The following VWF variants were observed in gnomAD, a reference collection of about 807,000 sequenced individuals.
The protein encoded by VWF is Factor VIII related antigen.
VWF carries 176 observed loss-of-function variants against 308.6 expected under a neutral mutation model. That is an observed-to-expected ratio of 0.57 (90% CI 0.50 to 0.65). VWF has a LOEUF of 0.65. Among genes scored for constraint, VWF ranks in the 30% least tolerant of loss-of-function variants. The probability of loss-of-function intolerance (pLI) is 0.00; values close to 1 mark genes in which losing one functional copy is unlikely to be tolerated. For missense variants in VWF, 3,146 were observed against 3,648.2 expected, an observed-to-expected ratio of 0.86 and a Z score of 3.55; for synonymous variants, 1,385 against 1,443.4, an observed-to-expected ratio of 0.96 and a Z score of 0.92.
At chr12:6,110,835 G>T in intron 4 of VWF, 31 bp downstream of exon 4, 1 of 1,602,106 alleles carries the variant, frequency 6.2e-7, no homozygotes, top group Non-Finnish European at 8.6e-7. Context: ...GATCCCTAGG[G>T]TCCTTTCTAA....
At chr12:5,982,095 G>A in intron 41 of VWF, 104 bp from the exon 42 acceptor site, 1 of 1,109,874 alleles carries the variant, frequency 9.0e-7, no homozygotes, top group Non-Finnish European at 1.3e-6. Context: ...AGAAGATTAA[G>A]TCAGAAATGT....
chr12:6,034,017 C>G (rs185180499), intron 20 of VWF, among the ~76,000 whole-genome samples: 3 of 152,230 alleles, frequency 2.0e-5, no homozygotes, highest in Admixed American at 6.5e-5. Flanking sequence ...CAAGAATCCA[C>G]GCAGTGGGGA....
At chr12:6,088,392 T>A (rs1033235315) in intron 6 of VWF, among the ~76,000 whole-genome samples, 1 of 149,804 alleles carries the variant, frequency 6.7e-6, no homozygotes, top group African/African-American at 2.5e-5. Context: ...GGCGGGAGAA[T>A]GGCGTGAACC....
chr12:5,964,300 A>ATACATGCAT (rs1267334614), intron 47 of VWF, among the ~76,000 whole-genome samples: 1 of 151,986 alleles, frequency 6.6e-6, no homozygotes, highest in African/African-American at 2.4e-5. Context: ...ACATACATAC[A>ATACATGCAT]AAAAGCTACC....
chr12:6,110,578 A>C lies in VWF; in HGVS notation c.328T>G (p.Ser110Ala), dbSNP rs1591924432. Residue 110 changes from serine to alanine, a missense_variant, in exon 5 of 52, where the codon TCC (serine) becomes GCC (alanine). By Grantham distance (99) the Ser-to-Ala change is moderately conservative. Transcript: ENST00000261405. ...AGCCCTTTGGAGGCATAGGGCATGG[A>C]GACTCTGGAGGGCAAAGGCTAAGTT... Reference protein sequence around the residue: ...GTVTQGDQRVSMPYASKGLYL... With the variant: ...GTVTQGDQRVAMPYASKGLYL... 2 of 1,614,124 alleles carry C rather than the reference A, an allele frequency of 1.2e-6. No homozygotes were observed. The highest frequency in any genetic ancestry group is 2.2e-5 in the East Asian group (1 of 44,878).
intron 34 of VWF, among the ~76,000 whole-genome samples, chr12:6,003,757 G>T (rs1202593553): frequency 6.6e-6 from 1 of 151,090 alleles, no homozygotes; most frequent in African/African-American, 2.4e-5. Context: ...GATGAAAGAA[G>T]TTCTGGCAAT....
intron 6 of VWF, among the ~76,000 whole-genome samples, chr12:6,087,855 G>A (rs561261198): frequency 1.6e-4 from 24 of 152,234 alleles, no homozygotes; most frequent in Admixed American, 1.4e-3. Context: ...ACAGCTGTCG[G>A]AGGTTGCTGC....
rs1192582321 is a variant in VWF, at chr12:6,077,385, T to C, written c.658-1834A>G. Among the ~76,000 whole-genome samples, 6 of 152,174 alleles carry C rather than the reference T, an allele frequency of 3.9e-5. 1 individual carries two copies. Among genetic ancestry groups the C allele is most frequent in the Non-Finnish European group, 8.8e-5 (6 of 68,034 alleles). ...GGCATGGGCTGCTCAACTGCAGAAG[T>C]GCAGCAGGTAGGCTCATGGGGACAG... is the stretch of plus-strand genomic sequence containing the variant. On this transcript the variant is annotated intron_variant, in intron 6 of 51. Coordinates refer to ENST00000261405, the MANE Select transcript of VWF (RefSeq NM_000552.5).
At position 6,122,420 on chromosome 12, in the gene VWF, C is replaced by A. The variant is rs147890662; in HGVS notation, c.55+722G>T. ...CGTCACAGGCTAACTCCTTCACTGA[C>A]TATGGGTGTGTGTGTGTCGGCAGGT... On this transcript the variant is annotated intron_variant, in intron 2 of 51. Coordinates refer to ENST00000261405, the MANE Select transcript of VWF (RefSeq NM_000552.5). 2.3e-3 allele frequency among the ~76,000 whole-genome samples: 349 copies of A among 152,306 alleles called. 2 individuals carry two copies. The highest frequency in any genetic ancestry group is 7.9e-3 in the African/African-American group (329 of 41,582).
intron 26 of VWF, 113 bp from the exon 27 acceptor site, chr12:6,022,148 C>A: frequency 6.9e-7 from 1 of 1,459,040 alleles, no homozygotes. Flanking sequence ...GAAGCCAACT[C>A]CTCCTGCCTG....
chr12:5,985,505 G>T, intron 39 of VWF, 58 bp downstream of exon 39: 1 of 1,550,544 alleles, frequency 6.4e-7, no homozygotes, highest in Non-Finnish European at 8.8e-7. Flanking sequence ...GGTGGCTGGG[G>T]GGCCTTGCAG....
intron 6 of VWF, among the ~76,000 whole-genome samples, chr12:6,092,616 A>AGTGAGTGAGTGAGAGAGAGAGAGTGTGT (rs796249343): frequency 1.7e-4 from 16 of 96,668 alleles, no homozygotes; most frequent in African/African-American, 8.1e-4. Context: ...TGAGTGAGTG[A>AGTGAGTGAGTGAGAGAGAGAGAGTGTGT]GAGTGTGTGT....
At chr12:6,105,015 T>A (rs923275186) in intron 5 of VWF, among the ~76,000 whole-genome samples, 2 of 152,106 alleles carry the variant, frequency 1.3e-5, no homozygotes, top group Admixed American at 1.3e-4. Flanking sequence ...TATGACATGT[T>A]CTCACCAAAA....
At position 6,019,320 on chromosome 12, in the gene VWF, G is replaced by A. The variant is rs753407706; in HGVS notation, c.4098C>T (p.Phe1366=). ...GGCGGTCGATCTTGCTGAAGATTTGGAACAGTGTGTATTTCAAGACCTCGC... is the reference window on the plus strand; with the variant it reads ...GGCGGTCGATCTTGCTGAAGATTTGAAACAGTGTGTATTTCAAGACCTCGC... ...STSEVLKYTL[F]QIFSKIDRPE... is the part of the protein sequence containing the mutation. The change falls in exon 28 of 52, where the codon TTC becomes TTT. Residue 1366 remains phenylalanine (F), a synonymous_variant. Coordinates refer to ENST00000261405, the MANE Select transcript of VWF (RefSeq NM_000552.5). The surrounding 1 kb of genome is among the most constrained non-coding windows in gnomAD (Gnocchi z 5.8). The A allele has an allele frequency of 4.3e-6, 7 of 1,613,842 alleles. No homozygotes were observed. The East Asian group carries it at 1.6e-4, about 36-fold the overall frequency.
chr12:6,090,003 G>A (rs942294581), intron 6 of VWF, among the ~76,000 whole-genome samples: 3 of 151,966 alleles, frequency 2.0e-5, no homozygotes, highest in African/African-American at 7.3e-5. Flanking sequence ...TGTCACCCAG[G>A]CTGGAGTGCA....
At chr12:6,008,392 T>C (rs78252999) in intron 34 of VWF, among the ~76,000 whole-genome samples, 4 of 152,240 alleles carry the variant, frequency 2.6e-5, no homozygotes, top group East Asian at 3.9e-4. Flanking sequence ...AGGTGATACA[T>C]AGCATTAACA....
In VWF at chr12:6,025,184, G is replaced by T. The variant is rs147589014; in HGVS notation, c.3222+396C>A. 2.2e-4 allele frequency among the ~76,000 whole-genome samples: 33 copies of T among 152,324 alleles called. No homozygotes were observed. In the East Asian group the frequency reaches 6.4e-3, roughly 29 times the overall value. The stretch of plus-strand genomic sequence containing the variant: ...TGTGAGACAAGAAATGGGCACCAAG[G>T]GGTTTTAGGGGGTGGGAGAGGAAGG... On this transcript the variant is annotated intron_variant, in intron 24 of 51. Transcript: ENST00000261405.
In VWF at chr12:5,994,475, T is replaced by C. The variant is rs886049738; in HGVS notation, c.6196A>G (p.Asn2066Asp). The change falls in exon 36 of 52, where the codon AAT (asparagine) becomes GAT (aspartate). Residue 2066 changes from asparagine (N) to aspartate (D), a missense_variant. Around this residue, in one of 3 missense-constraint regions of VWF, gnomAD observed 989 missense variants for 1,117.4 expected, o/e 0.89. Coordinates refer to ENST00000261405, the MANE Select transcript of VWF (RefSeq NM_000552.5). ...GGGCTGAGCTGCAGTTGGAACTCATTGTTTTGTGGAGTGAATGTGAAGATG... is the reference window on the plus strand; with the variant it reads ...GGGCTGAGCTGCAGTTGGAACTCATCGTTTTGTGGAGTGAATGTGAAGATG... ...GHIFTFTPQNNEFQLQLSPKT... is the reference protein window; with the variant it reads ...GHIFTFTPQNDEFQLQLSPKT... The C allele has an allele frequency of 2.5e-6, 4 of 1,614,186 alleles. No homozygotes were observed. Among genetic ancestry groups the C allele is most frequent in the Non-Finnish European group, 3.4e-6 (4 of 1,180,026 alleles).
At chr12:6,071,403 G>T (rs1454902200) in intron 9 of VWF, 60 bp from the exon 10 acceptor site, 3 of 1,585,424 alleles carry the variant, frequency 1.9e-6, no homozygotes, top group Admixed American at 1.7e-5. Context: ...GTATGCAAAT[G>T]GATTTAGAGC....
Sources: gnomAD v4.1 joint callset for allele counts (sites outside exome capture counted in the v4.1 genomes callset) on GRCh38, gnomAD v4.1.1 for gene constraint, gnomAD v4.1.1 regional missense constraint, Gnocchi (gnomAD v3.1) non-coding constraint, MANE v1.5 for transcripts, NCBI Gene and HGNC (gene_info 2026-07-23, HGNC 2026-07-21) for gene names.